AK3: variants seen among roughly 807,000 people sequenced by gnomAD.
AK3 encodes the protein GTP:AMP phosphotransferase AK3, mitochondrial.
A neutral mutation model predicts 23.7 loss-of-function variants in AK3; 27 were observed. The ratio of observed to expected loss-of-function variants is 1.14; its 90% CI spans 0.84 to 1.57. The LOEUF is 1.57. Ranked by LOEUF, AK3 falls within the 40% of genes most tolerant of loss-of-function variation. AK3 has a pLI of 0.00. For missense variants in AK3, 406 were observed against 285.6 expected (o/e 1.42, Z -3.04); for synonymous variants, 159 against 116.0 (o/e 1.37, Z -2.38).
At chr9:4,719,949 C>T (rs1841849969) in intron 2 of AK3, among the ~76,000 whole-genome samples, 1 of 120,894 alleles carries the variant, frequency 8.3e-6, no homozygotes, top group Non-Finnish European at 1.8e-5. Flanking sequence ...CCTGTAATCC[C>T]AGCTAGTTGG....
At position 4,718,519 on chromosome 9, in the gene AK3, C is replaced by G. The variant is rs766413945; in HGVS notation, c.463G>C (p.Gly155Arg). The G allele has an allele frequency of 3.7e-6, 6 of 1,613,404 alleles. No homozygotes were observed. In the Admixed American group the frequency reaches 8.3e-5, roughly 22 times the overall value. Residue 155 changes from glycine to arginine, a missense_variant, in exon 4 of 5, where the codon GGG (glycine) becomes CGG (arginine). Coordinates refer to ENST00000381809, the MANE Select transcript of AK3 (RefSeq NM_016282.4). The part of the protein sequence containing the change: ...PKTVGIDDLT[G>R]EPLIQREDDK... ...TCCTCACGCTGAATGAGAGGCTCCC[C>G]AGTCAGGTCATCAATGCCCTAAACA... is the stretch of plus-strand genomic sequence containing the variant.
chr9:4,718,635 G>C (rs895588038), intron 3 of AK3, 98 bp from the exon 4 acceptor site: 17 of 914,454 alleles, frequency 1.9e-5, no homozygotes, highest in Middle Eastern at 2.6e-4. Flanking sequence ...CTCTGTGCAA[G>C]TGCCAAGCAC....
intron 2 of AK3, among the ~76,000 whole-genome samples, chr9:4,722,219 C>G (rs1191351658): frequency 1.3e-5 from 2 of 152,216 alleles, no homozygotes; most frequent in East Asian, 1.9e-4. Context: ...ACTCTTGGGT[C>G]TTGCTTCTTC....
chr9:4,721,179 G>C (rs527868487), intron 2 of AK3, among the ~76,000 whole-genome samples: 1 of 152,264 alleles, frequency 6.6e-6, no homozygotes, highest in South Asian at 2.1e-4. Context: ...GAGGTGGGCA[G>C]ATCACTTGAG....
chr9:4,713,118 A>G, intron 4 of AK3, 22 bp from the exon 5 acceptor site: 1 of 1,612,386 alleles, frequency 6.2e-7, no homozygotes, highest in Non-Finnish European at 8.5e-7. Flanking sequence ...ACAAAAACAA[A>G]ACAAACACAC....
intron 1 of AK3, among the ~76,000 whole-genome samples, chr9:4,723,900 G>C (rs564764339): frequency 4.6e-5 from 7 of 152,264 alleles, no homozygotes; most frequent in South Asian, 2.1e-4. Flanking sequence ...TCAGATTAAA[G>C]GGTCAAGGTA....
chr9:4,739,294 G>C lies in AK3; in HGVS notation c.151+1643C>G, dbSNP rs146314886. ...CAACCTCCGCCTCCCAGGTTCAAGC[G>C]ATTCTCTCTCCTCAGCCTCCCGAGT... On this transcript the variant is annotated intron_variant, in intron 1 of 4. Transcript: ENST00000381809. 4.4e-3 allele frequency among the ~76,000 whole-genome samples: 667 copies of C among 151,568 alleles called. 5 individuals are homozygous for C. Among genetic ancestry groups the C allele is most frequent in the East Asian group, 0.021 (109 of 5,164 alleles).
intron 1 of AK3, among the ~76,000 whole-genome samples, chr9:4,739,448 C>T (rs748913816): frequency 9.3e-5 from 14 of 150,524 alleles, no homozygotes; most frequent in Non-Finnish European, 1.8e-4. Context: ...CCCGCCTTGA[C>T]CTCACAAAGT....
At chr9:4,722,683 A>G in intron 1 of AK3, 58 bp from the exon 2 acceptor site, 1 of 1,608,856 alleles carries the variant, frequency 6.2e-7, no homozygotes, top group Non-Finnish European at 8.5e-7. Context: ...CATTCCAGGC[A>G]CCTCGGAACG....
intron 1 of AK3, among the ~76,000 whole-genome samples, chr9:4,723,886 G>A (rs1217994600): frequency 6.6e-6 from 1 of 152,100 alleles, no homozygotes; most frequent in Non-Finnish European, 1.5e-5. Context: ...TAAATTCCCA[G>A]ATGTCAGATT....
chr9:4,739,066 C>A (rs1842362877), intron 1 of AK3, among the ~76,000 whole-genome samples: 1 of 151,816 alleles, frequency 6.6e-6, no homozygotes, highest in Non-Finnish European at 1.5e-5. Context: ...AGCCATTGCG[C>A]CAGGCCTACT....
At chr9:4,727,228 A>G (rs559745626) in intron 1 of AK3, among the ~76,000 whole-genome samples, 204 of 152,318 alleles carry the variant, frequency 1.3e-3, no homozygotes, top group African/African-American at 4.7e-3. Flanking sequence ...GTCCCTAGCA[A>G]GAGAGTCAGC....
At chr9:4,731,472 G>T (rs1484404399) in intron 1 of AK3, among the ~76,000 whole-genome samples, 1 of 151,614 alleles carries the variant, frequency 6.6e-6, no homozygotes, top group Non-Finnish European at 1.5e-5. Context: ...TGGCTGCACA[G>T]TATTTAATGG....
In AK3 at chr9:4,712,867, T is replaced by C. The variant is rs775444155; in HGVS notation, c.*109A>G. The stretch of plus-strand genomic sequence containing the variant: ...AAAATCAGTAGAAATAAAAGTAATA[T>C]AATTTTCAAAGAATTCATACATACT... On this transcript the variant is annotated 3_prime_UTR_variant, in exon 5 of 5. Coordinates refer to ENST00000381809, the MANE Select transcript of AK3 (RefSeq NM_016282.4). 25 of 1,248,730 alleles carry C rather than the reference T, an allele frequency of 2.0e-5. No individual in the cohort carries two copies. Among genetic ancestry groups the C allele is most frequent in the Non-Finnish European group, 2.6e-5 (24 of 913,624 alleles). 77.4% of individuals were successfully genotyped at this position (1,248,730 alleles called of 1,614,324 possible).
At position 4,711,367 on chromosome 9, in the gene AK3, T is replaced by C. The variant is rs12256; in HGVS notation, c.*1609A>G. ...AAGTTTGGTATTTCACAACATTTTT[T>C]AGAAAGCACATAAGATTAACATTCA... On this transcript the variant is annotated 3_prime_UTR_variant, in exon 5 of 5. Coordinates refer to ENST00000381809, the MANE Select transcript of AK3 (RefSeq NM_016282.4). 0.029 allele frequency: 4,358 copies of C among 152,690 alleles called. 90 individuals are homozygous for C. Among genetic ancestry groups the C allele is most frequent in the Non-Finnish European group, 0.041 (2,781 of 67,994 alleles). The allele number at this position is 152,690 out of a possible 1,614,324, so 9.5% of individuals were successfully genotyped here.
At chr9:4,713,353 G>A (rs1433037714) in intron 4 of AK3, among the ~76,000 whole-genome samples, 1 of 152,154 alleles carries the variant, frequency 6.6e-6, no homozygotes, top group African/African-American at 2.4e-5. Context: ...TATTGAACAT[G>A]CACTGTGTGT....
intron 4 of AK3, among the ~76,000 whole-genome samples, chr9:4,715,944 C>T (rs1477598044): frequency 3.3e-5 from 5 of 152,080 alleles, no homozygotes; most frequent in Non-Finnish European, 7.3e-5. Flanking sequence ...CGGTGCCGAC[C>T]CCAAGACTTT....
In AK3 at chr9:4,741,167, C is replaced by G; in HGVS notation, c.-80G>C. The G allele has an allele frequency of 1.5e-6, 2 of 1,312,770 alleles. No homozygotes were observed. The highest frequency in any genetic ancestry group is 2.0e-5 in the South Asian group (1 of 49,414). 81.3% of individuals were successfully genotyped at this position (1,312,770 alleles called of 1,614,324 possible). On this transcript the variant is annotated 5_prime_UTR_variant, in exon 1 of 5. Coordinates refer to ENST00000381809, the MANE Select transcript of AK3 (RefSeq NM_016282.4). ...GCGCTCACCCGCTCGGCAGCCTGCG[C>G]CGGCCGGCTAGCAGCGCCACTAGCA... is the stretch of plus-strand genomic sequence containing the variant.
At chr9:4,725,836 T>C in intron 1 of AK3, among the ~76,000 whole-genome samples, 1 of 152,126 alleles carries the variant, frequency 6.6e-6, no homozygotes, top group African/African-American at 2.4e-5. Flanking sequence ...CCTTAATCAT[T>C]AGGGAAGTCA....
Sources: gnomAD v4.1 joint callset for allele counts (sites outside exome capture counted in the v4.1 genomes callset) on GRCh38, gnomAD v4.1.1 for gene constraint, MANE v1.5 for transcripts, NCBI Gene and HGNC (gene_info 2026-07-23, HGNC 2026-07-21) for gene names.